TINF2: variants seen among roughly 807,000 people sequenced by gnomAD.
TINF2 encodes TERF1 interacting nuclear factor 2, also known as TERF1-interacting nuclear factor 2.
TINF2 carries 27 observed loss-of-function variants against 50.4 expected under a neutral mutation model. The observed-to-expected ratio is 0.54, with a 90% confidence interval of 0.40 to 0.74. TINF2 has a LOEUF of 0.74. TINF2 is among the 30% of genes least tolerant of loss of function. TINF2 has a pLI of 0.00. For missense variants in TINF2, 496 were observed against 551.5 expected, an observed-to-expected ratio of 0.90 and a Z score of 1.01; for synonymous variants, 223 against 214.6, an observed-to-expected ratio of 1.04 and a Z score of -0.34.
intron 3 of TINF2, 59 bp from the exon 4 acceptor site, chr14:24,241,370 C>T (rs1328031834): frequency 1.5e-5 from 24 of 1,563,130 alleles, no homozygotes; most frequent in Non-Finnish European, 1.8e-5. Context: ...TGGCTCACGC[C>T]TGTAATCCTG....
chr14:24,241,876 C>T lies in TINF2; in HGVS notation c.297+14G>A, dbSNP rs376250937. 6 of 1,614,038 alleles carry T rather than the reference C, an allele frequency of 3.7e-6. No homozygotes were observed. The highest frequency in any genetic ancestry group is 2.7e-5 in the African/African-American group (2 of 74,914). On this transcript the variant is annotated intron_variant, in intron 2 of 8. Coordinates refer to ENST00000267415, the MANE Select transcript of TINF2 (RefSeq NM_001099274.3). ...GTGTAACTGGGGTCAGGGCTTGTTCCGGGGATTACTCACAGCCTTGGGATC... is the reference window on the plus strand; with the variant it reads ...GTGTAACTGGGGTCAGGGCTTGTTCTGGGGATTACTCACAGCCTTGGGATC...
In TINF2 at chr14:24,240,859, G is replaced by C. The variant is rs775914928; in HGVS notation, c.621C>G (p.Asp207Glu). 5.0e-6 allele frequency: 8 copies of C among 1,613,916 alleles called. No individual in the cohort carries two copies. The East Asian group carries it at 1.3e-4, about 27-fold the overall frequency. The change falls in exon 6 of 9, where the codon GAC becomes GAG. Residue 207 changes from aspartate to glutamate, a missense_variant. Coordinates refer to ENST00000267415, the MANE Select transcript of TINF2 (RefSeq NM_001099274.3). Reference sequence around the variant, plus strand: ...CCATGGGCTCAGCCAGGTTCACTGAGTCAGTAACAGAGCACTCTGAAAAAG... The same window carrying C: ...CCATGGGCTCAGCCAGGTTCACTGACTCAGTAACAGAGCACTCTGAAAAAG... ...GWLLPECSVT[D>E]SVNLAEPMEQ...
In TINF2 at chr14:24,240,155, A is replaced by G. The variant is rs2040537931; in HGVS notation, c.1130T>C (p.Val377Ala). The G allele has an allele frequency of 6.2e-7, 1 of 1,613,936 alleles. No individual in the cohort carries two copies. Among genetic ancestry groups the G allele is most frequent in the African/African-American group, 1.3e-5 (1 of 74,874 alleles). ...SLLPPRARKP[V>A]CPPSLCSSVI... ...GGAGCTGCACAGAGACGGAGGACAC[A>G]CTGTAGGAGGGAAACCAGAATCAAA... Residue 377 changes from valine to alanine, a missense_variant and splice_region_variant, in exon 8 of 9, where the codon GTG (valine) becomes GCG (alanine). Physicochemically the swap from Val to Ala is moderately conservative, Grantham distance 64 (BLOSUM62 0). This residue lies in a region of TINF2 where 179 missense variants were observed against 188.3 expected (regional missense o/e 0.95). Transcript: ENST00000267415.
In TINF2 at chr14:24,239,701, A is replaced by G; in HGVS notation, c.*96T>C. 6.2e-7 allele frequency: 1 copy of G among 1,611,984 alleles called. No individual in the cohort carries two copies. The highest frequency in any genetic ancestry group is 2.2e-5 in the East Asian group (1 of 44,870). On this transcript the variant is annotated 3_prime_UTR_variant, in exon 9 of 9. Transcript: ENST00000267415. ...TACAAATATTTTTAGCAGTGTAGTT[A>G]GGCAATCCAAGCCTGGACTTCCACT...
rs749827735 is a variant in TINF2 at position 24,240,822 on chromosome 14, G to A, written c.658C>T (p.Pro220Ser). Reference sequence around the variant, plus strand: ...TGGAGTGCTAGTCTTTGTTGCTGAGGAGGATTCTGTTCCATGGGCTCAGCC... The same window carrying A: ...TGGAGTGCTAGTCTTTGTTGCTGAGAAGGATTCTGTTCCATGGGCTCAGCC... ...NLAEPMEQNPPQQQRLALHNP... is the reference protein window; with the variant it reads ...NLAEPMEQNPSQQQRLALHNP... The change falls in exon 6 of 9, where the codon CCT becomes TCT. Residue 220 changes from proline (P) to serine (S), a missense_variant. Pro to Ser is a moderately conservative substitution (Grantham distance 74). Coordinates refer to ENST00000267415, the MANE Select transcript of TINF2 (RefSeq NM_001099274.3). The A allele has an allele frequency of 1.2e-5, 19 of 1,613,966 alleles. No individual in the cohort carries two copies. Among genetic ancestry groups the A allele is most frequent in the Admixed American group, 1.7e-5 (1 of 60,012 alleles).
rs753431609 is a variant in TINF2 at position 24,241,101 on chromosome 14, T to G, written c.523A>C (p.Ser175Arg). Reference sequence around the variant, plus strand: ...ATAGAGACTCCAGGCTGCATCCAACTCAGCACATCCTGAAGCTGTGGGCAG... The same window carrying G: ...ATAGAGACTCCAGGCTGCATCCAACGCAGCACATCCTGAAGCTGTGGGCAG... ...PQAQQLQDVL[S>R]WMQPGVSITS... is the part of the protein sequence containing the mutation. Residue 175 changes from serine to arginine, a missense_variant, in exon 5 of 9, where the codon AGT (serine) becomes CGT (arginine). Ser to Arg is a moderately radical substitution (Grantham distance 110). Around this residue, in one of 3 missense-constraint regions of TINF2, gnomAD observed 314 missense variants for 343.8 expected, o/e 0.91. Coordinates refer to ENST00000267415, the MANE Select transcript of TINF2 (RefSeq NM_001099274.3). 6.2e-7 allele frequency: 1 copy of G among 1,614,154 alleles called. No individual in the cohort carries two copies.
At position 24,241,926 on chromosome 14, in the gene TINF2, A is replaced by G. The variant is rs765479562; in HGVS notation, c.261T>C (p.Phe87=). The G allele has an allele frequency of 4.3e-6, 7 of 1,614,200 alleles. No homozygotes were observed. The highest frequency in any genetic ancestry group is 2.2e-5 in the South Asian group (2 of 91,080). ...AQVLKALNHH[F]PESGPIVRDP... is the part of the protein sequence containing the mutation. ...CCCGCACTATAGGTCCAGATTCTGG[A>G]AAGTGGTGATTCAGGGCTTTCAGGA... is the stretch of plus-strand genomic sequence containing the variant. Residue 87 remains phenylalanine (F), a synonymous_variant, in exon 2 of 9, where the codon TTT becomes TTC. Coordinates refer to ENST00000267415, the MANE Select transcript of TINF2 (RefSeq NM_001099274.3).
rs752106623 is a variant in TINF2, at chr14:24,241,216, C to T, written c.495G>A (p.Pro165=). The change falls in exon 4 of 9, where the codon CCG becomes CCA. Residue 165 remains proline (P), a synonymous_variant. Transcript: ENST00000267415. ...GCCCCAGCGAAACCTGCTGTGCCTG[C>T]GGTGTAGGCAGTGCTTTCTCCAGCT... The part of the protein sequence containing the change: ...LCQLEKALPT[P]QAQQLQDVLS... 27 of 1,614,036 alleles carry T rather than the reference C, an allele frequency of 1.7e-5. No individual in the cohort carries two copies. The highest frequency in any genetic ancestry group is 1.6e-4 in the Middle Eastern group (1 of 6,084).
chr14:24,240,935 C>A, intron 5 of TINF2, 60 bp from the exon 6 acceptor site: 1 of 1,614,022 alleles, frequency 6.2e-7, no homozygotes, highest in East Asian at 2.2e-5. Flanking sequence ...TAACTGGTTT[C>A]TTATGCCCGG....
Position 24,242,384 on chromosome 14 carries a change from G to C in TINF2, c.-52C>G, listed in dbSNP as rs1220220252. The C allele has an allele frequency of 3.2e-6, 5 of 1,587,016 alleles. No homozygotes were observed. Among genetic ancestry groups the C allele is most frequent in the Non-Finnish European group, 4.3e-6 (5 of 1,170,140 alleles). On this transcript the variant is annotated 5_prime_UTR_variant, in exon 1 of 9. Transcript: ENST00000267415. ...TCCCTCCGGGTTCCTCACCCGGATG[G>C]GTGAGGCTTTCCGATCACTCCTAGG...
At position 24,242,286 on chromosome 14, in the gene TINF2, G is replaced by T. The variant is rs1251047579; in HGVS notation, c.47C>A (p.Ala16Asp). The T allele has an allele frequency of 6.2e-7, 1 of 1,613,696 alleles. No individual in the cohort carries two copies. Among genetic ancestry groups the T allele is most frequent in the Admixed American group, 1.7e-5 (1 of 60,010 alleles). The change falls in exon 1 of 9, where the codon GCC becomes GAC. Residue 16 changes from alanine (A) to aspartate (D), a missense_variant. By Grantham distance (126) the Ala-to-Asp change is moderately radical. This residue lies in a region of TINF2 where 314 missense variants were observed against 343.8 expected (regional missense o/e 0.91). Coordinates refer to ENST00000267415, the MANE Select transcript of TINF2 (RefSeq NM_001099274.3). ...GCGCACAACCTGCCAGCTAGCCGCGGCGGCGAAGCGTAGAGCTGCGGGACC... is the reference window on the plus strand; with the variant it reads ...GCGCACAACCTGCCAGCTAGCCGCGTCGGCGAAGCGTAGAGCTGCGGGACC... ...VAGPAALRFA[A>D]AASWQVVRGR...
Position 24,241,027 on chromosome 14 carries a change from C to T in TINF2, c.597G>A (p.Leu199=), listed in dbSNP as rs775927071. Residue 199 remains leucine, a synonymous_variant, in exon 5 of 9, where the codon CTG becomes CTA. Coordinates refer to ENST00000267415, the MANE Select transcript of TINF2 (RefSeq NM_001099274.3). ...WRQYGVDMGW[L]LPECSVTDSV... ...CCTCCAAATTCCTAGTACCTGGAAG[C>T]AGCCACCCCATGTCCACACCATATT... The T allele has an allele frequency of 7.4e-6, 12 of 1,614,036 alleles. No individual in the cohort carries two copies. The African/African-American group carries it at 1.6e-4, about 22-fold the overall frequency.
Position 24,240,887 on chromosome 14 carries a change from A to T in TINF2, c.605-12T>A. On this transcript the variant is annotated splice_polypyrimidine_tract_variant and intron_variant, in intron 5 of 8. Transcript: ENST00000267415. ...AGTAACAGAGCACTCTGAAAAAGAA[A>T]ATGAGGCCCCTTATAAAGAGAACAG... 1 of 1,614,048 alleles carries T rather than the reference A, an allele frequency of 6.2e-7. No homozygotes were observed. The highest frequency in any genetic ancestry group is 8.5e-7 in the Non-Finnish European group (1 of 1,180,026).
chr14:24,241,850 A>G (rs2040586732), intron 2 of TINF2, 40 bp downstream of exon 2: 1 of 1,613,820 alleles, frequency 6.2e-7, no homozygotes. Context: ...TGCTGCACCA[A>G]GTGTAACTGG....
At chr14:24,241,148 A>G (rs781627294) in intron 4 of TINF2, 32 bp from the exon 5 acceptor site, 1 of 1,614,140 alleles carries the variant, frequency 6.2e-7, no homozygotes, top group Non-Finnish European at 8.5e-7. Flanking sequence ...TGAAGACCAC[A>G]ATCCTTGAAA....
At position 24,240,478 on chromosome 14, in the gene TINF2, G is replaced by A. The variant is rs765587749; in HGVS notation, c.1002C>T (p.Thr334=). Residue 334 remains threonine, a synonymous_variant, in exon 6 of 9, where the codon ACC becomes ACT. Transcript: ENST00000267415. ...STGKSKSPCQ[T]LGGRALKENP... is the part of the protein sequence containing the mutation. ...TCTCCTTCAGAGCCCTTCCCCCCAGGGTCTGGCATGGACTCTTAGACTTCC... is the reference window on the plus strand; with the variant it reads ...TCTCCTTCAGAGCCCTTCCCCCCAGAGTCTGGCATGGACTCTTAGACTTCC... 1 of 1,614,164 alleles carries A rather than the reference G, an allele frequency of 6.2e-7. No individual in the cohort carries two copies. Among genetic ancestry groups the A allele is most frequent in the Non-Finnish European group, 8.5e-7 (1 of 1,180,036 alleles).
chr14:24,240,910 C>A (rs754866677), intron 5 of TINF2, 35 bp from the exon 6 acceptor site: 2 of 1,614,074 alleles, frequency 1.2e-6, no homozygotes, highest in Non-Finnish European at 1.7e-6. Flanking sequence ...ATAAAGAGAA[C>A]AGATAGTAAC....
In TINF2 at chr14:24,242,523, G is replaced by A. The variant is rs1195068470; in HGVS notation, c.-191C>T. On this transcript the variant is annotated 5_prime_UTR_variant, in exon 1 of 9. Transcript: ENST00000267415. ...GAATTCTGGGGGAGGGGGTCTTCTG[G>A]CTCGGGCTGGAGGAGCCTGAGTGGA... 1.4e-6 allele frequency: 2 copies of A among 1,426,584 alleles called. No individual in the cohort carries two copies. Among genetic ancestry groups the A allele is most frequent in the African/African-American group, 2.9e-5 (2 of 69,452 alleles). The allele number at this position is 1,426,584 out of a possible 1,614,324, so 88.4% of individuals were successfully genotyped here.
rs2040540293 is a variant in TINF2 at position 24,240,225 on chromosome 14, A to G, written c.1129+38T>C. 1.9e-6 allele frequency: 3 copies of G among 1,614,050 alleles called. No homozygotes were observed. The East Asian group carries it at 6.7e-5, about 36-fold the overall frequency. ...ACAGGCTCTTGAGAGTCCCCAAGAG[A>G]GGAGGCTGTTGATCCAATCCTGACT... On this transcript the variant is annotated intron_variant, in intron 7 of 8. Coordinates refer to ENST00000267415, the MANE Select transcript of TINF2 (RefSeq NM_001099274.3).
Sources: gnomAD v4.1 joint callset for allele counts on GRCh38, gnomAD v4.1.1 for gene constraint, gnomAD v4.1.1 regional missense constraint, MANE v1.5 for transcripts, NCBI Gene and HGNC (gene_info 2026-07-23, HGNC 2026-07-21) for gene names.